The following CLASP1 variants were observed in gnomAD, a reference collection of about 807,000 sequenced individuals.
CLASP1 encodes CLIP-associating protein 1.
Under a neutral mutation model 192.3 loss-of-function variants are expected in CLASP1, and 38 were observed. The observed-to-expected ratio is 0.20, with a 90% CI of 0.15 to 0.26. The LOEUF is 0.26. Among genes scored for constraint, CLASP1 ranks in the 10% least tolerant of loss-of-function variants. The probability of loss-of-function intolerance (pLI) is 1.00; values close to 1 mark genes in which losing one functional copy is unlikely to be tolerated. For synonymous variants in CLASP1, 691 were observed against 712.8 expected, an observed-to-expected ratio of 0.97 and a Z score of 0.49; for missense variants, 1,433 against 1,932.5, an observed-to-expected ratio of 0.74 and a Z score of 4.85.
chr2:121,546,434 T>C (rs956458090), intron 2 of CLASP1, among the ~76,000 whole-genome samples: 1 of 151,468 alleles, frequency 6.6e-6, no homozygotes, highest in Non-Finnish European at 1.5e-5. Flanking sequence ...GGTACACGCA[T>C]TGGGACCAAT....
intron 30 of CLASP1, among the ~76,000 whole-genome samples, chr2:121,388,650 G>T (rs1293536022): frequency 6.6e-6 from 1 of 152,176 alleles, no homozygotes; most frequent in Admixed American, 6.5e-5. Context: ...TATGGATTTA[G>T]TAGCAGGCAA....
At chr2:121,559,146 G>C (rs571566452) in intron 2 of CLASP1, among the ~76,000 whole-genome samples, 1 of 152,294 alleles carries the variant, frequency 6.6e-6, no homozygotes, top group Admixed American at 6.5e-5. Context: ...AAACCCAGCA[G>C]AATGCTCAAT....
chr2:121,478,985 ACACACCC>A lies in CLASP1; in HGVS notation c.713-9032_713-9026del, dbSNP rs1473985720. 1.6e-3 allele frequency among the ~76,000 whole-genome samples: 75 copies of A among 46,956 alleles called. 1 individual carries two copies. Among genetic ancestry groups the A allele is most frequent in the African/African-American group, 7.6e-3 (69 of 9,070 alleles). 30.8% of individuals were successfully genotyped at this position (46,956 alleles called of 152,430 possible). On this transcript the variant is annotated intron_variant, in intron 8 of 39. Coordinates refer to ENST00000263710, the Ensembl canonical transcript of CLASP1. ...ACACCACACACACCACACACACACC[ACACACCC>A]CACACACACACCACACACACACACC...
chr2:121,568,127 AG>A (rs2059668995), intron 2 of CLASP1, among the ~76,000 whole-genome samples: 1 of 152,188 alleles, frequency 6.6e-6, no homozygotes, highest in South Asian at 2.1e-4. Flanking sequence ...ACTCGTCTAG[AG>A]GGCTTCAGAC....
chr2:121,591,404 CT>C (rs2062384668), intron 2 of CLASP1, among the ~76,000 whole-genome samples: 2 of 152,246 alleles, frequency 1.3e-5, no homozygotes, highest in South Asian at 4.1e-4. Flanking sequence ...TTGCTTCTCC[CT>C]CACTTCCTCT....
intron 1 of CLASP1, among the ~76,000 whole-genome samples, chr2:121,606,931 C>G (rs954503671): frequency 4.0e-5 from 6 of 151,798 alleles, no homozygotes; most frequent in Non-Finnish European, 8.8e-5. Context: ...GTGGCAGTGC[C>G]TGTAGTCCCA....
At chr2:121,597,849 G>C (rs574304619) in intron 2 of CLASP1, among the ~76,000 whole-genome samples, 1 of 152,344 alleles carries the variant, frequency 6.6e-6, no homozygotes, top group African/African-American at 2.4e-5. Context: ...GATGACCTGA[G>C]AAAGCTGCGT....
rs139095697 is a variant in CLASP1, at chr2:121,383,991, G to GAT, written c.3375-1669_3375-1668dup. Among the ~76,000 whole-genome samples the GAT allele has an allele frequency of 3.7e-3, 478 of 129,520 alleles. 3 individuals are homozygous for GAT. The highest frequency in any genetic ancestry group is 8.6e-3 in the African/African-American group (277 of 32,394). 85.0% of individuals were successfully genotyped at this position (129,520 alleles called of 152,430 possible). On this transcript the variant is annotated intron_variant, in intron 32 of 39. Transcript: ENST00000263710. ...AAAAAAATGACTTCCTCACTGGTGA[G>GAT]ATATATATATATATATACACACACA...
At chr2:121,576,180 T>A (rs2060500420) in intron 2 of CLASP1, among the ~76,000 whole-genome samples, 1 of 152,168 alleles carries the variant, frequency 6.6e-6, no homozygotes, top group African/African-American at 2.4e-5. Flanking sequence ...AGCAAGGTGT[T>A]ACAGGTAAAA....
At chr2:121,353,509 A>C (rs986856791) in intron 37 of CLASP1, among the ~76,000 whole-genome samples, 2 of 152,176 alleles carry the variant, frequency 1.3e-5, no homozygotes, top group African/African-American at 4.8e-5. Context: ...CTCCCTGCCC[A>C]CACCCTGCCC....
At chr2:121,359,231 T>C (rs1444148428) in intron 37 of CLASP1, among the ~76,000 whole-genome samples, 3 of 152,260 alleles carry the variant, frequency 2.0e-5, no homozygotes, top group African/African-American at 7.2e-5. Context: ...TGTAGCAACA[T>C]TTGTATAGCA....
At chr2:121,531,108 G>T (rs900132371) in intron 2 of CLASP1, 16 of 640,190 alleles carry the variant, frequency 2.5e-5, no homozygotes, top group Admixed American at 9.1e-5. Context: ...CAAGACGCGT[G>T]GTTTTAGTGT....
chr2:121,406,647 G>A (rs1176064139), intron 25 of CLASP1, among the ~76,000 whole-genome samples: 4 of 152,072 alleles, frequency 2.6e-5, no homozygotes, highest in Admixed American at 1.3e-4. Context: ...CTAGAGGGCA[G>A]TGGTGTAATC....
At chr2:121,349,565 A>G (rs1191667212) in intron 37 of CLASP1, among the ~76,000 whole-genome samples, 1 of 152,234 alleles carries the variant, frequency 6.6e-6, no homozygotes, top group Non-Finnish European at 1.5e-5. Flanking sequence ...AGTGACTTCA[A>G]TGCTGGCACT....
intron 19 of CLASP1, among the ~76,000 whole-genome samples, chr2:121,438,340 T>A (rs1027178429): frequency 6.6e-6 from 1 of 150,958 alleles, no homozygotes; most frequent in African/African-American, 2.5e-5. Flanking sequence ...AGATTAGGGG[T>A]TTTTTTTCCC....
intron 6 of CLASP1, among the ~76,000 whole-genome samples, chr2:121,517,579 G>A (rs1027424650): frequency 1.3e-5 from 2 of 152,298 alleles, no homozygotes; most frequent in African/African-American, 4.8e-5. Context: ...TAAGGGCCGA[G>A]CATGGTGGCT....
chr2:121,476,733 G>A (rs2091663835), intron 8 of CLASP1, among the ~76,000 whole-genome samples: 3 of 152,150 alleles, frequency 2.0e-5, no homozygotes, highest in Admixed American at 2.0e-4. Context: ...TCACTTTGAA[G>A]AAGCTGCTAT....
rs147107779 is a variant in CLASP1 at position 121,344,247 on chromosome 2, A to G, written c.4530+2791T>C. ...GCCCTAGCAACATGGCATCTCTCCA[A>G]ATGTACTACAGAGGTTCCTTCCCTT... On this transcript the variant is annotated intron_variant, in intron 39 of 39. Transcript: ENST00000263710. 9.7e-3 allele frequency among the ~76,000 whole-genome samples: 1,483 copies of G among 152,240 alleles called. 31 individuals are homozygous for G. Among genetic ancestry groups the G allele is most frequent in the Admixed American group, 0.039 (597 of 15,296 alleles).
chr2:121,530,379 C>G, intron 2 of CLASP1, 54 bp from the exon 3 acceptor site: 1 of 1,407,208 alleles, frequency 7.1e-7, no homozygotes, highest in Non-Finnish European at 9.8e-7. Context: ...GGGCAGCGCT[C>G]CCGCCCACCC....
Sources: allele counts gnomAD v4.1 joint callset (sites outside exome capture counted in the v4.1 genomes callset), GRCh38; gene constraint gnomAD v4.1.1; transcripts MANE v1.5; gene names NCBI Gene and HGNC (gene_info 2026-07-23, HGNC 2026-07-21).